The following DDA1 variants were observed in gnomAD, a reference collection of about 807,000 sequenced individuals.
DDA1 encodes the protein DET1 and DDB1 associated 1.
In DDA1, 3 loss-of-function variants were observed where a neutral mutation model predicts 18.6. The ratio of observed to expected loss-of-function variants is 0.16; its 90% CI spans 0.07 to 0.42. The LOEUF (loss-of-function observed/expected upper bound fraction) is 0.42. DDA1 is among the 10% of genes least tolerant of loss of function. DDA1 has a pLI of 0.99. For missense variants in DDA1, 105 were observed against 138.2 expected (o/e 0.76, Z 1.20); for synonymous variants, 52 against 54.0 (o/e 0.96, Z 0.17).
intron 3 of DDA1, among the ~76,000 whole-genome samples, chr19:17,315,155 ATATACACACGTG>A (rs1181852959): frequency 0.011 from 809 of 74,448 alleles, 104 homozygotes; most frequent in Non-Finnish European, 0.014. Context: ...ACACACGTAT[ATATACACACGTG>A]TATATACACA....
chr19:17,315,188 CACACACGTGTATACACACGTGTATAT>C (rs1374373199), intron 3 of DDA1, among the ~76,000 whole-genome samples: 1,842 of 21,650 alleles, frequency 0.085, 460 homozygotes, highest in Non-Finnish European at 0.11. Flanking sequence ...CACGTGTATA[CACACACGTGTATACACACGTGTATAT>C]ACACACACGT....
intron 4 of DDA1, among the ~76,000 whole-genome samples, chr19:17,317,337 G>A (rs1241430389): frequency 5.3e-5 from 8 of 152,068 alleles, no homozygotes; most frequent in Non-Finnish European, 1.2e-4. Flanking sequence ...GTGAAACCCC[G>A]TCTCTACTAA....
intron 4 of DDA1, among the ~76,000 whole-genome samples, chr19:17,318,971 C>A (rs2074226846): frequency 6.6e-6 from 1 of 152,106 alleles, no homozygotes; most frequent in Non-Finnish European, 1.5e-5. Context: ...ACCCCTTCTC[C>A]TGCCCCCCAG....
chr19:17,314,954 A>G lies in DDA1; in HGVS notation c.136+565A>G, dbSNP rs958377719. ...TAGTTTAACTGTTCAAAAAGACTCC[A>G]CACCAGGTGGGGTAGCTCCCGCCTG... On this transcript the variant is annotated intron_variant, in intron 3 of 4. Transcript: ENST00000359866. The surrounding 1 kb of genome is among the most constrained non-coding windows in gnomAD (Gnocchi z 4.6). 6.6e-6 allele frequency among the ~76,000 whole-genome samples: 1 copy of G among 151,666 alleles called. No individual in the cohort carries two copies. The highest frequency in any genetic ancestry group is 2.4e-5 in the African/African-American group (1 of 41,268).
At chr19:17,316,931 T>G (rs931246950) in intron 4 of DDA1, among the ~76,000 whole-genome samples, 1 of 150,166 alleles carries the variant, frequency 6.7e-6, no homozygotes, top group Non-Finnish European at 1.5e-5. Context: ...TGTGTACACA[T>G]GATTAAAAAT....
At chr19:17,316,105 G>A (rs2145675997) in intron 4 of DDA1, 110 bp downstream of exon 4, 1 of 1,291,262 alleles carries the variant, frequency 7.7e-7, no homozygotes, top group Non-Finnish European at 1.1e-6. Flanking sequence ...AGGGCCTTGA[G>A]GGCTGGGTAG....
At position 17,314,895 on chromosome 19, in the gene DDA1, G is replaced by T. The variant is rs184812125; in HGVS notation, c.136+506G>T. 1.3e-3 allele frequency among the ~76,000 whole-genome samples: 200 copies of T among 152,048 alleles called. 1 individual carries two copies. The highest frequency in any genetic ancestry group is 3.0e-3 in the Admixed American group (46 of 15,278). ...ATGGGAAGGGGGTCCAGGCAAAGGG[G>T]CCCACAGCACAGGAGGACTTGGTCT... is the stretch of plus-strand genomic sequence containing the variant. On this transcript the variant is annotated intron_variant, in intron 3 of 4. Transcript: ENST00000359866. This position sits in a 1 kb window ranked among gnomAD's most constrained non-coding sequence, Gnocchi z 4.6.
At position 17,322,631 on chromosome 19, in the gene DDA1, C is replaced by G. The variant is rs1021726443; in HGVS notation, c.*2975C>G. 2.6e-5 allele frequency: 4 copies of G among 152,326 alleles called. No homozygotes were observed. The South Asian group carries it at 8.3e-4, about 31-fold the overall frequency. The allele number at this position is 152,326 out of a possible 1,614,324, so 9.4% of individuals were successfully genotyped here. On this transcript the variant is annotated 3_prime_UTR_variant, in exon 5 of 5. Coordinates refer to ENST00000359866, the MANE Select transcript of DDA1 (RefSeq NM_024050.6). ...AAAAATGTGAGGGTCTGAGAGGCCA[C>G]GTTCCTGTTCCTGAGTCATACGACA...
chr19:17,314,171 C>A lies in DDA1; in HGVS notation c.84+68C>A. 1 of 1,582,898 alleles carries A rather than the reference C, an allele frequency of 6.3e-7. No homozygotes were observed. ...AGGGGGCCTGGGGGCAGCTTGTGTC[C>A]CCCGATTGGGGTCTTGGCTGGAACA... On this transcript the variant is annotated intron_variant, in intron 2 of 4. Coordinates refer to ENST00000359866, the MANE Select transcript of DDA1 (RefSeq NM_024050.6). This position sits in a 1 kb window ranked among gnomAD's most constrained non-coding sequence, Gnocchi z 4.6.
In DDA1 at chr19:17,314,345, G is replaced by A. The variant is rs766625782; in HGVS notation, c.92G>A (p.Arg31Gln). ...ADSVCKASNRRPSVYLPTREY... is the reference protein window; with the variant it reads ...ADSVCKASNRQPSVYLPTREY... ...TTCTCAACCCTCCTGCAGAACCGAC[G>A]GCCCTCAGTCTACCTGCCTACCCGC... Residue 31 changes from arginine to glutamine, a missense_variant, in exon 3 of 5, where the codon CGG becomes CAG. Around this residue, in one of 2 missense-constraint regions of DDA1, gnomAD observed 43 missense variants for 82.3 expected, o/e 0.52. Transcript: ENST00000359866. The surrounding 1 kb of genome is among the most constrained non-coding windows in gnomAD (Gnocchi z 4.6). 1.7e-5 allele frequency: 27 copies of A among 1,614,082 alleles called. No homozygotes were observed. Among genetic ancestry groups the A allele is most frequent in the Middle Eastern group, 1.6e-4 (1 of 6,082 alleles).
In DDA1 at chr19:17,315,257, G is replaced by A. The variant is rs55825041; in HGVS notation, c.137-677G>A. ...CACACACGTGTATATACACACACGT[G>A]TATATACACACACGTGTATATACAC... On this transcript the variant is annotated intron_variant, in intron 3 of 4. Coordinates refer to ENST00000359866, the MANE Select transcript of DDA1 (RefSeq NM_024050.6). Among the ~76,000 whole-genome samples, 16 of 62,172 alleles carry A rather than the reference G, an allele frequency of 2.6e-4. 1 individual carries two copies. Among genetic ancestry groups the A allele is most frequent in the Non-Finnish European group, 3.8e-4 (11 of 28,802 alleles). 40.8% of individuals were successfully genotyped at this position (62,172 alleles called of 152,430 possible).
chr19:17,312,196 C>T (rs371241349), intron 1 of DDA1, among the ~76,000 whole-genome samples: 10 of 152,180 alleles, frequency 6.6e-5, no homozygotes, highest in East Asian at 1.9e-4. Context: ...GCAGAATGCC[C>T]GGAGTACCTG....
rs1401165042 is a variant in DDA1 at position 17,319,600 on chromosome 19, G to A, written c.253G>A (p.Ala85Thr). ...EQVELEGESS[A>T]PPRKVARTDS... ...AGTGGAGCTGGAAGGCGAGAGCTCC[G>A]CACCTCCCCGCAAGGTGGCGCGGAC... Residue 85 changes from alanine (A) to threonine (T), a missense_variant, in exon 5 of 5, where the codon GCA becomes ACA. Coordinates refer to ENST00000359866, the MANE Select transcript of DDA1 (RefSeq NM_024050.6). 11 of 1,580,212 alleles carry A rather than the reference G, an allele frequency of 7.0e-6. No homozygotes were observed. In the East Asian group the frequency reaches 9.2e-5, roughly 13 times the overall value.
At position 17,314,411 on chromosome 19, in the gene DDA1, G is replaced by A; in HGVS notation, c.136+22G>A. The A allele has an allele frequency of 6.2e-7, 1 of 1,614,234 alleles. No individual in the cohort carries two copies. Among genetic ancestry groups the A allele is most frequent in the Non-Finnish European group, 8.5e-7 (1 of 1,180,026 alleles). On this transcript the variant is annotated intron_variant, in intron 3 of 4. Transcript: ENST00000359866. The surrounding 1 kb of genome is among the most constrained non-coding windows in gnomAD (Gnocchi z 4.6). The stretch of plus-strand genomic sequence containing the variant: ...CAGAGTAAGTGGCCGCTGTCAGTCT[G>A]TCCCATTCTGGCTGCTGAGGGGCGG...
chr19:17,320,907 T>TG lies in DDA1; in HGVS notation c.*1256dup, dbSNP rs1181977300. 1 of 152,270 alleles carries TG rather than the reference T, an allele frequency of 6.6e-6. No individual in the cohort carries two copies. Among genetic ancestry groups the TG allele is most frequent in the East Asian group, 1.9e-4 (1 of 5,202 alleles). 9.4% of individuals were successfully genotyped at this position (152,270 alleles called of 1,614,324 possible). On this transcript the variant is annotated 3_prime_UTR_variant, in exon 5 of 5. Transcript: ENST00000359866. ...TGGCCCTGACCACTGAGCCTGGGGC[T>TG]GGGGGAACACCGCTTCTCCCCTTAT...
At chr19:17,309,824 A>G (rs2074170260) in intron 1 of DDA1, among the ~76,000 whole-genome samples, 167 bp downstream of exon 1, 1 of 151,172 alleles carries the variant, frequency 6.6e-6, no homozygotes, top group Non-Finnish European at 1.5e-5. Context: ...GACCCTACCG[A>G]GAGCTTCCTG....
At chr19:17,312,228 C>T (rs1051307189) in intron 1 of DDA1, among the ~76,000 whole-genome samples, 6 of 152,146 alleles carry the variant, frequency 3.9e-5, no homozygotes, top group African/African-American at 1.2e-4. Context: ...ACTCAGCCAC[C>T]GGGCCCTGTG....
intron 4 of DDA1, among the ~76,000 whole-genome samples, chr19:17,317,559 G>T (rs1174126286): frequency 6.6e-6 from 1 of 151,512 alleles, no homozygotes; most frequent in Non-Finnish European, 1.5e-5. Context: ...TGAGGGTGTG[G>T]CTGGGTGTGG....
intron 4 of DDA1, 76 bp downstream of exon 4, chr19:17,316,071 A>T: frequency 1.3e-6 from 2 of 1,511,162 alleles, no homozygotes; most frequent in Non-Finnish European, 1.8e-6. Flanking sequence ...TTCTGAGCAC[A>T]GGAAGGACTC....
Sources: allele counts gnomAD v4.1 joint callset (sites outside exome capture counted in the v4.1 genomes callset), GRCh38; gene constraint gnomAD v4.1.1; regional missense constraint gnomAD v4.1.1; non-coding constraint Gnocchi (gnomAD v3.1); transcripts MANE v1.5; gene names NCBI Gene and HGNC (gene_info 2026-07-23, HGNC 2026-07-21).